The following ZNF407 variants were observed in gnomAD, a reference collection of about 807,000 sequenced individuals.
ZNF407 encodes the protein zinc finger protein 407.
ZNF407 carries 17 observed loss-of-function variants against 131.2 expected under a neutral mutation model. The ratio of observed to expected loss-of-function variants is 0.13; its 90% CI spans 0.09 to 0.19. The LOEUF is 0.19. Ranked by LOEUF, ZNF407 falls within the 10% of genes least tolerant of loss-of-function variation. The pLI is 1.00. For missense variants in ZNF407, 2,681 were observed against 2,830.6 expected (o/e 0.95, Z 1.20); for synonymous variants, 1,156 against 1,062.0 (o/e 1.09, Z -1.72).
intron 7 of ZNF407, among the ~76,000 whole-genome samples, chr18:74,912,032 C>T (rs541987717): frequency 8.4e-4 from 128 of 152,124 alleles, no homozygotes; most frequent in Non-Finnish European, 8.5e-4. Flanking sequence ...TACAAAAAAG[C>T]AAATTGGGGT....
chr18:74,692,815 C>A (rs1426524228), intron 3 of ZNF407, among the ~76,000 whole-genome samples: 1 of 152,026 alleles, frequency 6.6e-6, no homozygotes, highest in Admixed American at 6.6e-5. Context: ...TGGCCTCCAC[C>A]CCTCCCCCAG....
chr18:75,009,207 A>G (rs1243253179), intron 8 of ZNF407, among the ~76,000 whole-genome samples: 1 of 152,198 alleles, frequency 6.6e-6, no homozygotes, highest in East Asian at 1.9e-4. Context: ...TTTCCTATGT[A>G]GTCAGTATTT....
chr18:74,880,708 A>G (rs1971225524), intron 5 of ZNF407, among the ~76,000 whole-genome samples: 1 of 144,014 alleles, frequency 6.9e-6, no homozygotes, highest in Non-Finnish European at 1.5e-5. Context: ...GATGTATGGG[A>G]ATTGTAAAAT....
In ZNF407 at chr18:74,661,654, G is replaced by T. The variant is rs575554018; in HGVS notation, c.4802+20532G>T. Among the ~76,000 whole-genome samples the T allele has an allele frequency of 5.3e-5, 8 of 152,114 alleles. No individual in the cohort carries two copies. The South Asian group carries it at 1.7e-3, about 32-fold the overall frequency. ...GTTGCTCCTTAATTGAAAAGTTGGA[G>T]TAATTTGAAAAGATGAGATTATTCT... On this transcript the variant is annotated intron_variant, in intron 3 of 8. Transcript: ENST00000299687.
At chr18:74,721,791 CT>C (rs1968043064) in intron 3 of ZNF407, among the ~76,000 whole-genome samples, 1 of 152,018 alleles carries the variant, frequency 6.6e-6, no homozygotes, top group South Asian at 2.1e-4. Context: ...ATTTGTTCTT[CT>C]TTTACTGCCT....
chr18:74,856,673 A>C (rs1217036073), intron 4 of ZNF407, among the ~76,000 whole-genome samples: 1 of 152,170 alleles, frequency 6.6e-6, no homozygotes, highest in Non-Finnish European at 1.5e-5. Flanking sequence ...GAGCATTGTA[A>C]ATTTTTCATG....
intron 4 of ZNF407, among the ~76,000 whole-genome samples, chr18:74,804,996 C>T (rs985253918): frequency 5.9e-5 from 9 of 152,168 alleles, no homozygotes; most frequent in African/African-American, 1.4e-4. Flanking sequence ...AGTGACCCGA[C>T]GTGCATTCAC....
rs150612547 is a variant in ZNF407 at position 74,719,099 on chromosome 18, T to A, written c.4803-62329T>A. On this transcript the variant is annotated intron_variant, in intron 3 of 8. Coordinates refer to ENST00000299687, the MANE Select transcript of ZNF407 (RefSeq NM_017757.3). ...ACATATTCTTAGGGGACATTAATGA[T>A]GCTTGGAAACATAAAATGTATAGTG... 2.5e-3 allele frequency among the ~76,000 whole-genome samples: 384 copies of A among 152,320 alleles called. 1 individual carries two copies. The highest frequency in any genetic ancestry group is 4.6e-3 in the Non-Finnish European group (312 of 68,034).
chr18:74,714,274 A>T (rs189381780), intron 3 of ZNF407, among the ~76,000 whole-genome samples: 4 of 152,334 alleles, frequency 2.6e-5, no homozygotes, highest in Non-Finnish European at 5.9e-5. Context: ...CACTTCTTAT[A>T]AGTCTGTGGT....
intron 4 of ZNF407, among the ~76,000 whole-genome samples, chr18:74,788,739 A>C (rs1406039974): frequency 1.3e-5 from 2 of 150,390 alleles, no homozygotes; most frequent in South Asian, 2.1e-4. Context: ...TATTGCTTCT[A>C]AGATTCATTC....
At chr18:74,942,553 C>G (rs538493100) in intron 8 of ZNF407, among the ~76,000 whole-genome samples, 119 of 152,308 alleles carry the variant, frequency 7.8e-4, no homozygotes, top group African/African-American at 2.7e-3. Flanking sequence ...TCTTTCTGAC[C>G]TGAAGTTTAA....
At chr18:74,816,271 C>A (rs919334478) in intron 4 of ZNF407, among the ~76,000 whole-genome samples, 1 of 152,100 alleles carries the variant, frequency 6.6e-6, no homozygotes, top group Non-Finnish European at 1.5e-5. Flanking sequence ...CCCTCTGGTT[C>A]ATTTTCTGAA....
chr18:74,765,972 C>G (rs1969220632), intron 3 of ZNF407, among the ~76,000 whole-genome samples: 2 of 152,026 alleles, frequency 1.3e-5, no homozygotes, highest in South Asian at 4.2e-4. Context: ...AGGATTCACT[C>G]AGACATTTAG....
chr18:75,039,112 C>G (rs1485189605), intron 8 of ZNF407, among the ~76,000 whole-genome samples: 1 of 152,228 alleles, frequency 6.6e-6, no homozygotes, highest in African/African-American at 2.4e-5. Context: ...AGCAGGCTTA[C>G]CTTCACATCT....
chr18:75,015,187 T>C (rs924529858), intron 8 of ZNF407, among the ~76,000 whole-genome samples: 1 of 152,036 alleles, frequency 6.6e-6, no homozygotes, highest in African/African-American at 2.4e-5. Context: ...ACTTTTAAAG[T>C]AGAAATATAA....
chr18:74,678,734 A>G (rs1483219757), intron 3 of ZNF407, among the ~76,000 whole-genome samples: 1 of 152,218 alleles, frequency 6.6e-6, no homozygotes, highest in African/African-American at 2.4e-5. Context: ...GCTCTTGTGC[A>G]ATTTAAACTT....
At chr18:75,016,603 C>A (rs1237054477) in intron 8 of ZNF407, among the ~76,000 whole-genome samples, 1 of 152,066 alleles carries the variant, frequency 6.6e-6, no homozygotes, top group Admixed American at 6.6e-5. Context: ...TATGTTCCAA[C>A]CTGTCCACCT....
chr18:74,970,170 C>T (rs1345418184), intron 8 of ZNF407, among the ~76,000 whole-genome samples: 1 of 151,942 alleles, frequency 6.6e-6, no homozygotes, highest in Non-Finnish European at 1.5e-5. Context: ...CACCCCCGCC[C>T]CCCTCCAGTC....
At chr18:74,607,027 C>T (rs945540339) in intron 1 of ZNF407, among the ~76,000 whole-genome samples, 17 of 152,184 alleles carry the variant, frequency 1.1e-4, no homozygotes, top group African/African-American at 4.1e-4. Flanking sequence ...ATTCCGACTC[C>T]TCATCGTCTA....
Sources: gnomAD v4.1 joint callset for allele counts (sites outside exome capture counted in the v4.1 genomes callset) on GRCh38, gnomAD v4.1.1 for gene constraint, MANE v1.5 for transcripts, NCBI Gene and HGNC (gene_info 2026-07-23, HGNC 2026-07-21) for gene names.